Variants in CSPP1 observed in about 807,000 individuals in gnomAD.
CSPP1 encodes centrosome and spindle pole-associated protein 1.
A neutral mutation model predicts 164.4 loss-of-function variants in CSPP1; 126 were observed. That is an observed-to-expected ratio of 0.77 (90% CI 0.66 to 0.89). The LOEUF (loss-of-function observed/expected upper bound fraction) is 0.89. CSPP1 is among the 40% of genes least tolerant of loss of function. The pLI is 0.00. For synonymous variants in CSPP1, 472 were observed against 476.7 expected (o/e 0.99, Z 0.13); for missense variants, 1,395 against 1,449.8 (o/e 0.96, Z 0.61).
intron 30 of CSPP1, among the ~76,000 whole-genome samples, chr8:67,193,856 C>T (rs549996911): frequency 1.5e-3 from 222 of 152,316 alleles, no homozygotes; most frequent in African/African-American, 5.1e-3. Flanking sequence ...GCTTATTAAA[C>T]ATATCCAGGC....
intron 21 of CSPP1, among the ~76,000 whole-genome samples, chr8:67,159,961 CTTTTCTTTTCTTTTCTTTTCT>C (rs1827839480): frequency 3.4e-5 from 1 of 29,256 alleles, no homozygotes; most frequent in African/African-American, 2.4e-4. Context: ...TTCCTTCTTT[CTTTTCTTTTCTTTTCTTTTCT>C]TTTCTTTTCT....
Position 67,112,080 on chromosome 8 carries a change from G to C in CSPP1, c.1187+15G>C, listed in dbSNP as rs757179006. 2 of 1,568,024 alleles carry C rather than the reference G, an allele frequency of 1.3e-6. No individual in the cohort carries two copies. The highest frequency in any genetic ancestry group is 1.8e-6 in the Non-Finnish European group (2 of 1,142,686). On this transcript the variant is annotated intron_variant, in intron 10 of 30. Coordinates refer to ENST00000678616, the MANE Select transcript of CSPP1 (RefSeq NM_001382391.1). ...AACAAGAGACGGTAATGAAAGGTTT[G>C]CATTTAAAAGAGATATTTTGAGTTT...
intron 19 of CSPP1, among the ~76,000 whole-genome samples, chr8:67,154,626 A>C (rs980938100): frequency 3.3e-5 from 5 of 152,120 alleles, no homozygotes; most frequent in African/African-American, 9.7e-5. Flanking sequence ...TTGGCCTCTC[A>C]AAGTGCTGGG....
intron 1 of CSPP1, among the ~76,000 whole-genome samples, chr8:67,072,463 C>CT (rs1294844999): frequency 1.3e-5 from 2 of 151,912 alleles, no homozygotes; most frequent in Non-Finnish European, 2.9e-5. Context: ...TAAAATATTG[C>CT]TTTGTAAAAA....
intron 7 of CSPP1, among the ~76,000 whole-genome samples, chr8:67,097,341 C>T (rs1243374151): frequency 2.6e-5 from 4 of 152,132 alleles, no homozygotes; most frequent in African/African-American, 9.7e-5. Context: ...GTTATGTCCT[C>T]ACACAATATT....
chr8:67,098,276 C>G (rs1208404594), intron 7 of CSPP1, among the ~76,000 whole-genome samples: 1 of 149,338 alleles, frequency 6.7e-6, no homozygotes, highest in African/African-American at 2.4e-5. Context: ...CTTCATTCTT[C>G]TAAGTTTTCT....
intron 8 of CSPP1, among the ~76,000 whole-genome samples, chr8:67,103,645 CA>C (rs747059154): frequency 1.4e-3 from 177 of 128,212 alleles, no homozygotes; most frequent in Middle Eastern, 3.8e-3. Flanking sequence ...ACTGAAAATA[CA>C]AAAAAAAAAA....
chr8:67,125,572 A>G (rs963292803), intron 15 of CSPP1, among the ~76,000 whole-genome samples: 1 of 152,012 alleles, frequency 6.6e-6, no homozygotes, highest in African/African-American at 2.4e-5. Flanking sequence ...TGAGACCCCC[A>G]TTGGTACACA....
Position 67,074,146 on chromosome 8 carries a change from G to A in CSPP1, c.-10-97G>A, listed in dbSNP as rs558185799. Reference sequence around the variant, plus strand: ...AAGTTTGAATTTCTCAATTTGATAAGTGAGATTGAAAACTAAATGTGGACT... The same window carrying A: ...AAGTTTGAATTTCTCAATTTGATAAATGAGATTGAAAACTAAATGTGGACT... On this transcript the variant is annotated intron_variant, in intron 1 of 30. Coordinates refer to ENST00000678616, the MANE Select transcript of CSPP1 (RefSeq NM_001382391.1). 2.0e-4 allele frequency: 125 copies of A among 637,844 alleles called. 1 individual carries two copies. The African/African-American group carries it at 2.2e-3, about 11-fold the overall frequency. 39.5% of individuals were successfully genotyped at this position (637,844 alleles called of 1,614,324 possible).
intron 16 of CSPP1, among the ~76,000 whole-genome samples, chr8:67,132,897 G>A (rs994567998): frequency 1.3e-5 from 2 of 152,064 alleles, no homozygotes; most frequent in Non-Finnish European, 2.9e-5. Flanking sequence ...GAGGACCCTG[G>A]GACTCTAACT....
At chr8:67,106,120 C>T in intron 9 of CSPP1, 145 bp downstream of exon 9, 1 of 562,812 alleles carries the variant, frequency 1.8e-6, no homozygotes, top group Non-Finnish European at 3.2e-6. Flanking sequence ...AGGTACTATT[C>T]TAATCATTTA....
intron 16 of CSPP1, chr8:67,134,054 C>T (rs1022341408): frequency 6.6e-6 from 1 of 152,210 alleles, no homozygotes; most frequent in African/African-American, 2.4e-5. Flanking sequence ...TTGAATCCCT[C>T]GAAGTCATCC....
chr8:67,094,805 T>C (rs1812394031), intron 6 of CSPP1, among the ~76,000 whole-genome samples: 1 of 152,192 alleles, frequency 6.6e-6, no homozygotes, highest in South Asian at 2.1e-4. Context: ...TGGGACCCTT[T>C]GGAATCTGTG....
intron 17 of CSPP1, among the ~76,000 whole-genome samples, chr8:67,145,442 G>A (rs996057586): frequency 1.3e-5 from 2 of 150,636 alleles, no homozygotes; most frequent in African/African-American, 4.9e-5. Flanking sequence ...TCTTGTTTCA[G>A]TGATTTTGCT....
rs1265971186 is a variant in CSPP1, at chr8:67,179,934, T to C, written c.3220+8T>C. 2 of 1,439,258 alleles carry C rather than the reference T, an allele frequency of 1.4e-6. No individual in the cohort carries two copies. The highest frequency in any genetic ancestry group is 2.3e-5 in the South Asian group (2 of 86,938). 89.2% of individuals were successfully genotyped at this position (1,439,258 alleles called of 1,614,324 possible). On this transcript the variant is annotated splice_region_variant and intron_variant, in intron 28 of 30. Transcript: ENST00000678616. ...CTGATAGTGCTTTTATTGGTGAGTA[T>C]ATTTATTTTATTAAGGCTATATTGT...
At chr8:67,105,437 A>G (rs574891722) in intron 8 of CSPP1, among the ~76,000 whole-genome samples, 6 of 152,068 alleles carry the variant, frequency 3.9e-5, no homozygotes, top group Non-Finnish European at 8.8e-5. Context: ...CTGGAGCACA[A>G]TGATGCTATC....
chr8:67,183,556 G>C (rs1217562499), intron 28 of CSPP1, among the ~76,000 whole-genome samples: 2 of 152,082 alleles, frequency 1.3e-5, no homozygotes, highest in African/African-American at 4.8e-5. Context: ...TAACGCATAG[G>C]TCAGAGAAAA....
chr8:67,093,397 A>T (rs1317347596), intron 5 of CSPP1, 146 bp from the exon 6 acceptor site: 1 of 566,428 alleles, frequency 1.8e-6, no homozygotes, highest in Non-Finnish European at 3.1e-6. Context: ...TTTCAGTGAC[A>T]TCTGTCCTTG....
chr8:67,142,032 G>C (rs1298013031), intron 17 of CSPP1, among the ~76,000 whole-genome samples: 6 of 152,050 alleles, frequency 3.9e-5, no homozygotes, highest in Admixed American at 3.9e-4. Flanking sequence ...TACCTAAGAA[G>C]ATCTCATTAT....
Sources: gnomAD v4.1 joint callset for allele counts (sites outside exome capture counted in the v4.1 genomes callset) on GRCh38, gnomAD v4.1.1 for gene constraint, MANE v1.5 for transcripts, NCBI Gene and HGNC (gene_info 2026-07-23, HGNC 2026-07-21) for gene names.